GPHN: variants seen among roughly 807,000 people sequenced by gnomAD.
The protein encoded by GPHN is gephyrin.
Under a neutral mutation model 95.5 loss-of-function variants are expected in GPHN, and 17 were observed. The observed-to-expected ratio is 0.18, with a 90% confidence interval of 0.12 to 0.27. The LOEUF is 0.27. Ranked by LOEUF, GPHN falls within the 10% of genes least tolerant of loss-of-function variation. The probability of loss-of-function intolerance (pLI) is 1.00; values close to 1 mark genes in which losing one functional copy is unlikely to be tolerated. For synonymous variants in GPHN, 320 were observed against 322.5 expected, an observed-to-expected ratio of 0.99 and a Z score of 0.08; for missense variants, 660 against 978.1, an observed-to-expected ratio of 0.67 and a Z score of 4.34.
intron 6 of GPHN, among the ~76,000 whole-genome samples, chr14:66,918,286 A>G (rs1220071729): frequency 6.6e-6 from 1 of 152,168 alleles, no homozygotes; most frequent in Non-Finnish European, 1.5e-5. Context: ...GAGTAATGCC[A>G]GCTGGGGATG....
the GPHN span, among the ~76,000 whole-genome samples, chr14:67,249,264 A>G: frequency 6.6e-6 from 1 of 152,216 alleles, no homozygotes. Context: ...GCTTGGCCTC[A>G]TACCAATGTT....
intron 1 of GPHN, among the ~76,000 whole-genome samples, chr14:66,557,164 G>A (rs1198940520): frequency 6.6e-6 from 1 of 151,942 alleles, no homozygotes; most frequent in African/African-American, 2.4e-5. Context: ...CTAAGATATG[G>A]CCACTGTACT....
At chr14:66,545,730 G>C (rs376871321) in intron 1 of GPHN, among the ~76,000 whole-genome samples, 3 of 125,434 alleles carry the variant, frequency 2.4e-5, no homozygotes, top group East Asian at 3.0e-4. Flanking sequence ...CTGGCCGGGC[G>C]GGGGGCTGAC....
At chr14:67,535,328 T>A in the GPHN span, among the ~76,000 whole-genome samples, 1 of 143,538 alleles carries the variant, frequency 7.0e-6, no homozygotes, top group African/African-American at 2.5e-5. Context: ...TCATATGACC[T>A]CCTCTCCAGA....
At chr14:67,385,651 C>CTT in the GPHN span, 7 of 140,982 alleles carry the variant, frequency 5.0e-5, no homozygotes, top group African/African-American at 1.9e-4. Flanking sequence ...ATTCAAACCA[C>CTT]TTTTTTCTTT....
intron 1 of GPHN, among the ~76,000 whole-genome samples, chr14:66,550,445 A>G (rs1319570712): frequency 6.6e-6 from 1 of 152,218 alleles, no homozygotes; most frequent in Non-Finnish European, 1.5e-5. Flanking sequence ...GGATAAGTAA[A>G]GAAAGTGGTT....
intron 1 of GPHN, among the ~76,000 whole-genome samples, chr14:66,571,854 A>G (rs1222889365): frequency 6.6e-6 from 1 of 152,136 alleles, no homozygotes; most frequent in Non-Finnish European, 1.5e-5. Flanking sequence ...TCCCTGGACC[A>G]ATGCCAGGAA....
the GPHN span, among the ~76,000 whole-genome samples, chr14:67,599,142 T>C: frequency 1.3e-5 from 2 of 151,730 alleles, no homozygotes; most frequent in Non-Finnish European, 2.9e-5. Flanking sequence ...GATGCAGTAA[T>C]GGAAACAATA....
At chr14:67,172,544 T>C (rs1236938331) in intron 21 of GPHN, among the ~76,000 whole-genome samples, 1 of 152,078 alleles carries the variant, frequency 6.6e-6, no homozygotes, top group Non-Finnish European at 1.5e-5. Context: ...CTAGGTGCCC[T>C]GGCTGAACTG....
rs1238604755 is a variant in GPHN at position 66,686,160 on chromosome 14, T to C, written c.143+4975T>C. On this transcript the variant is annotated intron_variant, in intron 2 of 22. Transcript: ENST00000478722. ...GTTTGGTTACTGTAGCCTTGTAGTA[T>C]AGTTTGAAGTCAGGTAGCATGATGC... 6.6e-5 allele frequency among the ~76,000 whole-genome samples: 10 copies of C among 152,334 alleles called. No individual in the cohort carries two copies. In the East Asian group the frequency reaches 1.3e-3, roughly 21 times the overall value.
the GPHN span, chr14:67,515,092 G>T: frequency 6.6e-6 from 1 of 152,310 alleles, no homozygotes; most frequent in African/African-American, 2.4e-5. Flanking sequence ...CTACCGGTGC[G>T]GGGCCGGGGC....
At chr14:66,524,504 A>C (rs2058608281) in intron 1 of GPHN, among the ~76,000 whole-genome samples, 1 of 152,014 alleles carries the variant, frequency 6.6e-6, no homozygotes, top group South Asian at 2.1e-4. Flanking sequence ...TTTTTTAAAA[A>C]ATTATTATTA....
At chr14:67,388,283 C>T in the GPHN span, 3 of 1,612,276 alleles carry the variant, frequency 1.9e-6, no homozygotes, top group African/African-American at 2.7e-5. Flanking sequence ...AGAAAACCCA[C>T]CCACTGGCCT....
At chr14:67,282,202 T>G in the GPHN span, among the ~76,000 whole-genome samples, 1 of 152,158 alleles carries the variant, frequency 6.6e-6, no homozygotes, top group Non-Finnish European at 1.5e-5. Context: ...TTTGCCAAAC[T>G]TTTTTTTCTT....
intron 5 of GPHN, among the ~76,000 whole-genome samples, 158 bp from the exon 6 acceptor site, chr14:66,915,845 C>A (rs751918433): frequency 6.6e-6 from 1 of 152,116 alleles, no homozygotes; most frequent in Non-Finnish European, 1.5e-5. Context: ...ACCAGAATGC[C>A]TAATTTGTAT....
At chr14:66,556,449 G>A (rs2060010940) in intron 1 of GPHN, among the ~76,000 whole-genome samples, 3 of 152,246 alleles carry the variant, frequency 2.0e-5, no homozygotes, top group East Asian at 1.9e-4. Flanking sequence ...CTTTCTAAGG[G>A]AAACAACTTC....
At position 67,180,974 on chromosome 14, in the gene GPHN, C is replaced by T. The variant is rs760751080; in HGVS notation, c.*37C>T. The T allele has an allele frequency of 3.7e-6, 6 of 1,607,498 alleles. No individual in the cohort carries two copies. In the Admixed American group the frequency reaches 8.3e-5, roughly 22 times the overall value. On this transcript the variant is annotated 3_prime_UTR_variant, in exon 23 of 23. Coordinates refer to ENST00000478722, the MANE Select transcript of GPHN (RefSeq NM_020806.5). The stretch of plus-strand genomic sequence containing the variant: ...AGGAGAAAGCTTTGATGCATGTCCA[C>T]ATATCATTGACTGTATCCTGTAATA...
chr14:66,996,190 C>G (rs1006953359), intron 9 of GPHN: 17 of 1,533,308 alleles, frequency 1.1e-5, no homozygotes. Flanking sequence ...CGGCTTCCCT[C>G]GTGCTCATCT....
chr14:67,279,704 G>A, the GPHN span: 1 of 584,686 alleles, frequency 1.7e-6, no homozygotes, highest in African/African-American at 1.9e-5. Context: ...ATTGTTTACT[G>A]TTACCAACAT....
Sources: gnomAD v4.1 joint callset for allele counts (sites outside exome capture counted in the v4.1 genomes callset) on GRCh38, gnomAD v4.1.1 for gene constraint, MANE v1.5 for transcripts, NCBI Gene and HGNC (gene_info 2026-07-23, HGNC 2026-07-21) for gene names.